Variants in DNAJC2 observed in about 807,000 individuals in gnomAD.
DNAJC2 encodes DnaJ heat shock protein family (Hsp40) member C2.
A neutral mutation model predicts 94.0 loss-of-function variants in DNAJC2; 32 were observed. That is an observed-to-expected ratio of 0.34 (90% CI 0.26 to 0.46). The LOEUF is 0.46. DNAJC2 is among the 20% of genes least tolerant of loss of function. DNAJC2 has a pLI of 1.00. For missense variants in DNAJC2, 550 were observed against 719.5 expected, an observed-to-expected ratio of 0.76 and a Z score of 2.69; for synonymous variants, 210 against 229.7, an observed-to-expected ratio of 0.91 and a Z score of 0.77.
In DNAJC2 at chr7:103,312,653, G is replaced by T. The variant is rs778113353; in HGVS notation, c.1792-10C>A. The T allele has an allele frequency of 3.1e-6, 5 of 1,611,336 alleles. No homozygotes were observed. In the Admixed American group the frequency reaches 6.7e-5, roughly 22 times the overall value. ...CCATCTCGACAAGTTCCTAGGAAGG[G>T]AGAAAGGTGTGATTTAAGAAGTTGC... is the stretch of plus-strand genomic sequence containing the variant. On this transcript the variant is annotated splice_polypyrimidine_tract_variant and intron_variant, in intron 16 of 16. Transcript: ENST00000379263.
chr7:103,321,204 A>G (rs73412171), intron 10 of DNAJC2, among the ~76,000 whole-genome samples: 5,181 of 152,074 alleles, frequency 0.034, 281 homozygotes, highest in African/African-American at 0.12. Flanking sequence ...AACAACAACA[A>G]TAACAAAAAC....
chr7:103,337,707 T>A, intron 3 of DNAJC2, 29 bp downstream of exon 3: 1 of 1,557,806 alleles, frequency 6.4e-7, no homozygotes, highest in South Asian at 1.1e-5. Context: ...ACAAGATATT[T>A]GATTATTTCA....
At chr7:103,344,444 G>A (rs1819517984) in intron 1 of DNAJC2, 115 bp downstream of exon 1, 15 of 1,183,990 alleles carry the variant, frequency 1.3e-5, no homozygotes, top group Admixed American at 7.3e-5. Flanking sequence ...GGCCCCATAC[G>A]GCCCCGGGGC....
intron 4 of DNAJC2, chr7:103,327,284 G>GA (rs749664223): frequency 0.074 from 57,653 of 781,402 alleles, no homozygotes; most frequent in South Asian, 0.085. Flanking sequence ...CATCTGAAAC[G>GA]AAAAAAAAAA....
chr7:103,314,165 C>T, intron 15 of DNAJC2: 1 of 985,358 alleles, frequency 1.0e-6, no homozygotes, highest in African/African-American at 1.7e-5. Context: ...TGTTGAATTT[C>T]CTTGTATTGG....
intron 2 of DNAJC2, among the ~76,000 whole-genome samples, chr7:103,338,248 C>T (rs775608551): frequency 9.0e-5 from 13 of 144,178 alleles, no homozygotes; most frequent in South Asian, 2.2e-4. Flanking sequence ...CCAGGATAGG[C>T]GACAGAGCAA....
At chr7:103,327,024 G>A (rs1351962134) in intron 4 of DNAJC2, among the ~76,000 whole-genome samples, 1 of 152,160 alleles carries the variant, frequency 6.6e-6, no homozygotes, top group Non-Finnish European at 1.5e-5. Flanking sequence ...TAGGCTTCTG[G>A]AGCACTGTGT....
At chr7:103,333,083 A>G (rs1267645970) in intron 3 of DNAJC2, among the ~76,000 whole-genome samples, 1 of 151,046 alleles carries the variant, frequency 6.6e-6, no homozygotes, top group Non-Finnish European at 1.5e-5. Context: ...TCCAGTGAAC[A>G]TTTCCTTTGA....
chr7:103,343,832 T>TAA (rs149958515), intron 1 of DNAJC2, among the ~76,000 whole-genome samples: 1,832 of 152,298 alleles, frequency 0.012, 37 homozygotes, highest in African/African-American at 0.042. Context: ...GCTCTAGTTG[T>TAA]AAGAGGCACA....
rs147134112 is a variant in DNAJC2 at position 103,326,334 on chromosome 7, A to G, written c.572+209T>C. Among the ~76,000 whole-genome samples, 3 of 152,354 alleles carry G rather than the reference A, an allele frequency of 2.0e-5. No individual in the cohort carries two copies. The East Asian group carries it at 5.8e-4, about 29-fold the overall frequency. On this transcript the variant is annotated intron_variant, in intron 5 of 16. Coordinates refer to ENST00000379263, the MANE Select transcript of DNAJC2 (RefSeq NM_014377.3). The stretch of plus-strand genomic sequence containing the variant: ...ATTGTACAGAAATTTTACTATGGAA[A>G]TGTAGAACTTCTGTTTAGAAAGCAA...
At chr7:103,318,057 A>AT (rs1179443315) in intron 12 of DNAJC2, among the ~76,000 whole-genome samples, 2 of 152,236 alleles carry the variant, frequency 1.3e-5, no homozygotes, top group Non-Finnish European at 2.9e-5. Flanking sequence ...TCTGTTAATC[A>AT]AAGATTTGCA....
chr7:103,319,819 T>G lies in DNAJC2; in HGVS notation c.1109A>C (p.Glu370Ala). The change falls in exon 11 of 17, where the codon GAG (glutamate) becomes GCG (alanine). Residue 370 changes from glutamate (E) to alanine (A), a missense_variant. Coordinates refer to ENST00000379263, the MANE Select transcript of DNAJC2 (RefSeq NM_014377.3). Reference protein sequence around the residue: ...CKTWNHFSDNEAERVKMMEEV... With the variant: ...CKTWNHFSDNAAERVKMMEEV... The stretch of plus-strand genomic sequence containing the variant: ...TTCCATCATTTTAACCCGCTCTGCC[T>G]CATTATCAGAAAAATGATTCCAGGT... 1 of 1,614,166 alleles carries G rather than the reference T, an allele frequency of 6.2e-7. No individual in the cohort carries two copies. Among genetic ancestry groups the G allele is most frequent in the Non-Finnish European group, 8.5e-7 (1 of 1,180,018 alleles).
intron 12 of DNAJC2, among the ~76,000 whole-genome samples, chr7:103,318,702 CTG>C (rs1818211203): frequency 6.6e-6 from 1 of 152,128 alleles, no homozygotes; most frequent in Non-Finnish European, 1.5e-5. Flanking sequence ...GTTTTCTTAT[CTG>C]TAAAATAAAA....
At chr7:103,323,268 T>C (rs1818521029) in intron 7 of DNAJC2, among the ~76,000 whole-genome samples, 1 of 152,110 alleles carries the variant, frequency 6.6e-6, no homozygotes, top group Non-Finnish European at 1.5e-5. Flanking sequence ...TTGGTTATTT[T>C]TTGCACATTC....
At chr7:103,317,448 G>C in intron 12 of DNAJC2, 1 of 156,654 alleles carries the variant, frequency 6.4e-6, no homozygotes, top group East Asian at 1.9e-4. Flanking sequence ...CATTTACATT[G>C]TTCCTTCTAG....
Position 103,344,541 on chromosome 7 carries a change from G to C in DNAJC2, c.64+18C>G, listed in dbSNP as rs759849312. On this transcript the variant is annotated intron_variant, in intron 1 of 16. Transcript: ENST00000379263. ...GGCAGCTGAGGTGAGAAGGAACCGA[G>C]GTTGGGTGGGCACTTACCAGAGGTC... 5 of 1,613,740 alleles carry C rather than the reference G, an allele frequency of 3.1e-6. No homozygotes were observed. The Admixed American group carries it at 8.3e-5, about 27-fold the overall frequency.
chr7:103,331,303 C>A (rs144988305), intron 3 of DNAJC2, among the ~76,000 whole-genome samples: 7 of 152,324 alleles, frequency 4.6e-5, no homozygotes, highest in African/African-American at 9.6e-5. Context: ...ACGTAATGAT[C>A]AAGTCAGGGT....
At chr7:103,333,749 A>C (rs1437619651) in intron 3 of DNAJC2, among the ~76,000 whole-genome samples, 4 of 152,148 alleles carry the variant, frequency 2.6e-5, no homozygotes, top group Admixed American at 2.6e-4. Flanking sequence ...TGTAACTTAC[A>C]GTATGCCTAT....
At chr7:103,329,152 C>G in intron 3 of DNAJC2, 1 of 344,608 alleles carries the variant, frequency 2.9e-6, no homozygotes, top group Admixed American at 4.5e-5. Flanking sequence ...TCTTCTGACT[C>G]TGTGTGTCAC....
Sources: gnomAD v4.1 joint callset for allele counts (sites outside exome capture counted in the v4.1 genomes callset) on GRCh38, gnomAD v4.1.1 for gene constraint, MANE v1.5 for transcripts, NCBI Gene and HGNC (gene_info 2026-07-23, HGNC 2026-07-21) for gene names.